Variants in TTYH2 observed in about 807,000 individuals in gnomAD.
TTYH2 encodes protein tweety homolog 2.
In TTYH2, 49 loss-of-function variants were observed where a neutral mutation model predicts 68.3. The ratio of observed to expected loss-of-function variants is 0.72; its 90% CI spans 0.57 to 0.91. The LOEUF (loss-of-function observed/expected upper bound fraction) is 0.91, where lower values mean the gene tolerates loss of function less well. TTYH2 is among the 40% of genes least tolerant of loss of function. The pLI, the probability that TTYH2 is intolerant of heterozygous loss-of-function variation, is 0.00. For missense variants in TTYH2, 631 were observed against 700.4 expected (o/e 0.90, Z 1.12); for synonymous variants, 272 against 300.8 (o/e 0.90, Z 0.99).
intron 10 of TTYH2, among the ~76,000 whole-genome samples, chr17:74,251,307 G>C (rs2050624687): frequency 6.7e-6 from 1 of 149,774 alleles, no homozygotes; most frequent in Non-Finnish European, 1.5e-5. Context: ...GTGTGCATGT[G>C]TGTTGTGTGC....
At chr17:74,218,107 A>C (rs990437097) in intron 1 of TTYH2, among the ~76,000 whole-genome samples, 8 of 150,338 alleles carry the variant, frequency 5.3e-5, no homozygotes, top group African/African-American at 1.5e-4. Context: ...AATTAGGAGC[A>C]AGAAAATAAT....
chr17:74,257,195 G>C (rs35633973), intron 13 of TTYH2, among the ~76,000 whole-genome samples: 2 of 152,226 alleles, frequency 1.3e-5, no homozygotes, highest in Non-Finnish European at 2.9e-5. Context: ...TCATCCTGCC[G>C]TTAGCAGAGA....
Position 74,213,592 on chromosome 17 carries a change from A to G in TTYH2, c.5A>G (p.Gln2Arg). The change falls in exon 1 of 14, where the codon CAG (glutamine) becomes CGG (arginine). Residue 2 changes from glutamine to arginine, a missense_variant. Physicochemically the swap from Gln to Arg is conservative, Grantham distance 43. Coordinates refer to ENST00000269346, the MANE Select transcript of TTYH2 (RefSeq NM_032646.6). The surrounding 1 kb of genome is among the most constrained non-coding windows in gnomAD (Gnocchi z 6.1). ...GGGTAGCACTCGGGCCGAGCCATGC[A>G]GGCGGCGCGCGTGGACTACATCGCT... Reference protein sequence around the residue: MQAARVDYIAPW... With the variant: MRAARVDYIAPW... 6.2e-7 allele frequency: 1 copy of G among 1,610,082 alleles called. No individual in the cohort carries two copies. The highest frequency in any genetic ancestry group is 8.5e-7 in the Non-Finnish European group (1 of 1,178,760).
intron 10 of TTYH2, chr17:74,252,006 C>T (rs764851945): frequency 7.1e-6 from 4 of 564,914 alleles, no homozygotes; most frequent in African/African-American, 5.7e-5. Flanking sequence ...TCTTAGTGCC[C>T]AGCTCACAGT....
At chr17:74,242,280 C>T (rs1174007179) in intron 4 of TTYH2, among the ~76,000 whole-genome samples, 1 of 152,178 alleles carries the variant, frequency 6.6e-6, no homozygotes, top group Non-Finnish European at 1.5e-5. Flanking sequence ...CCTGGACTCC[C>T]GGGTTCCACA....
At chr17:74,229,518 G>A (rs929812341) in intron 2 of TTYH2, among the ~76,000 whole-genome samples, 1 of 150,310 alleles carries the variant, frequency 6.7e-6, no homozygotes, top group African/African-American at 2.4e-5. Context: ...CCTACTCACC[G>A]CAGCCCCCAG....
chr17:74,249,811 G>C (rs1017860326), intron 8 of TTYH2, 125 bp from the exon 9 acceptor site: 12 of 1,118,244 alleles, frequency 1.1e-5, no homozygotes, highest in South Asian at 6.6e-5. Context: ...GCAGCCAGGT[G>C]GGGGGGTGGG....
chr17:74,220,645 G>T (rs2050266554), intron 1 of TTYH2, among the ~76,000 whole-genome samples: 1 of 152,206 alleles, frequency 6.6e-6, no homozygotes, highest in Admixed American at 6.5e-5. Context: ...CTATCCCTGG[G>T]CTTGCTGGGG....
In TTYH2 at chr17:74,217,708, A is replaced by C. The variant is rs2050234546; in HGVS notation, c.129+3992A>C. Reference sequence around the variant, plus strand: ...CCCTGAGACCGGCACACCTCTCTCTATGTCTTCTGGGGCCAGGGCTGTTGC... The same window carrying C: ...CCCTGAGACCGGCACACCTCTCTCTCTGTCTTCTGGGGCCAGGGCTGTTGC... On this transcript the variant is annotated intron_variant, in intron 1 of 13. Transcript: ENST00000269346. This position sits in a 1 kb window ranked among gnomAD's most constrained non-coding sequence, Gnocchi z 4.0. Among the ~76,000 whole-genome samples, 1 of 151,878 alleles carries C rather than the reference A, an allele frequency of 6.6e-6. No homozygotes were observed.
rs1269418112 is a variant in TTYH2 at position 74,217,046 on chromosome 17, G to A, written c.129+3330G>A. On this transcript the variant is annotated intron_variant, in intron 1 of 13. Coordinates refer to ENST00000269346, the MANE Select transcript of TTYH2 (RefSeq NM_032646.6). The surrounding 1 kb of genome is among the most constrained non-coding windows in gnomAD (Gnocchi z 4.0). ...GGCACCTGGCACTGAATCCAGCAAT[G>A]TCTCTCTGAGCAAATGAACGAGGCA... Among the ~76,000 whole-genome samples the A allele has an allele frequency of 1.3e-5, 2 of 152,230 alleles. No homozygotes were observed. The highest frequency in any genetic ancestry group is 1.3e-4 in the Admixed American group (2 of 15,280).
chr17:74,220,716 C>T (rs921402033), intron 1 of TTYH2, among the ~76,000 whole-genome samples: 3 of 151,832 alleles, frequency 2.0e-5, no homozygotes, highest in Non-Finnish European at 4.4e-5. Flanking sequence ...CCAGCCCCAG[C>T]CCCCTGCCAC....
At position 74,260,191 on chromosome 17, in the gene TTYH2, G is replaced by A. The variant is rs759303957; in HGVS notation, c.1587G>A (p.Gly529=). Residue 529 remains glycine (G), a synonymous_variant, in exon 14 of 14, where the codon GGG becomes GGA. Coordinates refer to ENST00000269346, the MANE Select transcript of TTYH2 (RefSeq NM_032646.6). ...SVADEHLRHY[G]NQFPA ...CGGATGAGCACCTGAGGCACTACGG[G>A]AATCAGTTTCCAGCCTAACAGACTT... The A allele has an allele frequency of 9.9e-6, 16 of 1,613,852 alleles. No homozygotes were observed. The highest frequency in any genetic ancestry group is 7.7e-5 in the South Asian group (7 of 91,082).
intron 5 of TTYH2, 57 bp from the exon 6 acceptor site, chr17:74,243,920 G>T: frequency 6.4e-7 from 1 of 1,562,180 alleles, no homozygotes; most frequent in Non-Finnish European, 8.7e-7. Context: ...TGGGTGGGGT[G>T]ATGGCTGAGA....
At chr17:74,250,052 G>C in intron 9 of TTYH2, 24 bp downstream of exon 9, 5 of 1,612,678 alleles carry the variant, frequency 3.1e-6, no homozygotes, top group Non-Finnish European at 4.2e-6. Context: ...GCAGGAAGAG[G>C]GGAGCCCCAG....
intron 2 of TTYH2, among the ~76,000 whole-genome samples, chr17:74,228,640 G>A (rs1194802397): frequency 6.6e-6 from 1 of 152,090 alleles, no homozygotes; most frequent in Non-Finnish European, 1.5e-5. Flanking sequence ...GGAGAGACTG[G>A]GCTTAACAGC....
At chr17:74,250,433 A>G (rs1426281120) in intron 10 of TTYH2, 76 bp downstream of exon 10, 2 of 1,292,600 alleles carry the variant, frequency 1.5e-6, no homozygotes, top group East Asian at 4.9e-5. Context: ...AAAAGCCGGT[A>G]GAGGCCGAGG....
intron 6 of TTYH2, among the ~76,000 whole-genome samples, chr17:74,246,701 C>T (rs2050561854): frequency 6.6e-6 from 1 of 152,106 alleles, no homozygotes; most frequent in African/African-American, 2.4e-5. Flanking sequence ...TCCATTTTCA[C>T]ACTGCTGATA....
chr17:74,259,216 G>GT (rs902933795), intron 13 of TTYH2, among the ~76,000 whole-genome samples: 19 of 148,942 alleles, frequency 1.3e-4, no homozygotes, highest in South Asian at 8.5e-4. Context: ...TGTGGTCTTT[G>GT]TTTTTTTTTA....
Position 74,237,309 on chromosome 17 carries a change from C to T in TTYH2, c.430C>T (p.Gln144Ter). 6.2e-7 allele frequency: 1 copy of T among 1,614,126 alleles called. No individual in the cohort carries two copies. Among genetic ancestry groups the T allele is most frequent in the South Asian group, 1.1e-5 (1 of 91,064 alleles). ...TCCTCCCTAGGTTTCCGGAACTACCCAGAAGATGAAGGTGGACCTAGAGCA... is the reference window on the plus strand; with the variant it reads ...TCCTCCCTAGGTTTCCGGAACTACCTAGAAGATGAAGGTGGACCTAGAGCA... ...GIDALVSGTT[Q>*]KMKVDLEQHL... is the part of the protein sequence containing the mutation. The change falls in exon 4 of 14, where the codon CAG becomes TAG. Residue 144 changes from glutamine to a stop codon, truncating the protein, a stop_gained. Coordinates refer to ENST00000269346, the MANE Select transcript of TTYH2 (RefSeq NM_032646.6). LOFTEE classifies it high-confidence loss of function.
Sources: gnomAD v4.1 joint callset for allele counts (sites outside exome capture counted in the v4.1 genomes callset) on GRCh38, gnomAD v4.1.1 for gene constraint, Gnocchi (gnomAD v3.1) non-coding constraint, MANE v1.5 for transcripts, NCBI Gene and HGNC (gene_info 2026-07-23, HGNC 2026-07-21) for gene names.